OGDHL: variants seen among roughly 807,000 people sequenced by gnomAD.
The protein encoded by OGDHL is oxoglutarate dehydrogenase L, also known as 2-oxoglutarate dehydrogenase-like, mitochondrial.
A neutral mutation model predicts 109.6 loss-of-function variants in OGDHL; 79 were observed. The observed-to-expected ratio is 0.72, with a 90% confidence interval of 0.60 to 0.87. The LOEUF is 0.87. OGDHL is among the 40% of genes least tolerant of loss of function. The pLI is 0.00. For missense variants in OGDHL, 1,275 were observed against 1,362.2 expected (o/e 0.94, Z 1.01); for synonymous variants, 528 against 537.2 (o/e 0.98, Z 0.24).
chr10:49,735,268 G>A lies in OGDHL; in HGVS notation c.2993C>T (p.Thr998Ile). The change falls in exon 23 of 23, where the codon ACT becomes ATT. Residue 998 changes from threonine (T) to isoleucine (I), a missense_variant. Physicochemically the swap from Thr to Ile is moderately conservative, Grantham distance 89 (BLOSUM62 -1). Coordinates refer to ENST00000374103, the MANE Select transcript of OGDHL (RefSeq NM_018245.3). The stretch of plus-strand genomic sequence containing the variant: ...CTCAAAGGCCTGGAGATTGAAGGCA[G>A]TATCCAGAAACTTCTTCAGTGACAC... ...HLVSLKKFLD[T>I]AFNLQAFEGK... 4 of 1,614,144 alleles carry A rather than the reference G, an allele frequency of 2.5e-6. No homozygotes were observed. Among genetic ancestry groups the A allele is most frequent in the Non-Finnish European group, 3.4e-6 (4 of 1,179,994 alleles).
chr10:49,748,152 C>T (rs572093355), intron 8 of OGDHL, among the ~76,000 whole-genome samples: 1 of 152,002 alleles, frequency 6.6e-6, no homozygotes, highest in Admixed American at 6.5e-5. Flanking sequence ...CACCATCTAA[C>T]AGATAAACTC....
At chr10:49,735,400 C>G (rs780551795) in intron 22 of OGDHL, 49 bp from the exon 23 acceptor site, 5 of 1,592,590 alleles carry the variant, frequency 3.1e-6, no homozygotes, top group African/African-American at 1.3e-5. Context: ...TAGCCGCCCC[C>G]CAACCGCTGC....
Position 49,745,901 on chromosome 10 carries a change from G to A in OGDHL, c.1373C>T (p.Pro458Leu), listed in dbSNP as rs757828182. ...GTCATCGGCATTCACATGGAAGATA[G>A]GCGCATTGACCACCCGGGCCACGTC... is the stretch of plus-strand genomic sequence containing the variant. ...PTDVARVVNA[P>L]IFHVNADDPE... Residue 458 changes from proline to leucine, a missense_variant, in exon 11 of 23, where the codon CCT becomes CTT. By Grantham distance (98) the Pro-to-Leu change is moderately conservative. Transcript: ENST00000374103. 6.2e-7 allele frequency: 1 copy of A among 1,614,226 alleles called. No individual in the cohort carries two copies.
At chr10:49,744,246 CCT>C in intron 13 of OGDHL, 124 bp from the exon 14 acceptor site, 1 of 1,254,464 alleles carries the variant, frequency 8.0e-7, no homozygotes, top group Non-Finnish European at 1.1e-6. Context: ...TCGGACTCAC[CCT>C]GAGCCCACCC....
At chr10:49,759,142 T>G (rs1425572141) in intron 1 of OGDHL, among the ~76,000 whole-genome samples, 1 of 152,172 alleles carries the variant, frequency 6.6e-6, no homozygotes, top group Non-Finnish European at 1.5e-5. Context: ...TCAGGAGGGC[T>G]GTGGCTCTAG....
intron 14 of OGDHL, 106 bp from the exon 15 acceptor site, chr10:49,743,084 G>C (rs1841911667): frequency 4.3e-6 from 6 of 1,401,114 alleles, no homozygotes; most frequent in Non-Finnish European, 5.7e-6. Context: ...GCCATCTGTT[G>C]ATTTGGTTGG....
chr10:49,741,028 T>C (rs1841616081), intron 15 of OGDHL, among the ~76,000 whole-genome samples, 191 bp from the exon 16 acceptor site: 1 of 151,942 alleles, frequency 6.6e-6, no homozygotes, highest in Non-Finnish European at 1.5e-5. Flanking sequence ...CTGCAGCCTG[T>C]CCCCCACCAG....
At chr10:49,758,720 G>A in intron 1 of OGDHL, 127 bp from the exon 2 acceptor site, 1 of 924,828 alleles carries the variant, frequency 1.1e-6, no homozygotes, top group Non-Finnish European at 1.7e-6. Context: ...GCTAGGCAGT[G>A]ATGAGACTGG....
chr10:49,751,802 A>T, intron 6 of OGDHL, 25 bp downstream of exon 6: 1 of 1,610,558 alleles, frequency 6.2e-7, no homozygotes, highest in Non-Finnish European at 8.5e-7. Context: ...ACCTCCAGCC[A>T]CTTGGCCCTC....
intron 1 of OGDHL, among the ~76,000 whole-genome samples, chr10:49,761,741 C>T (rs1035025948): frequency 6.6e-6 from 1 of 152,222 alleles, no homozygotes; most frequent in Admixed American, 6.5e-5. Context: ...CAAGCAGCGA[C>T]CTCAGGCCAT....
intron 15 of OGDHL, among the ~76,000 whole-genome samples, chr10:49,742,301 A>G (rs1172763334): frequency 2.9e-5 from 3 of 103,870 alleles, no homozygotes; most frequent in African/African-American, 1.1e-4. Context: ...CACACCACAA[A>G]TGCACCACAC....
At chr10:49,750,444 C>A (rs893198260) in intron 7 of OGDHL, among the ~76,000 whole-genome samples, 1 of 152,238 alleles carries the variant, frequency 6.6e-6, no homozygotes, top group East Asian at 1.9e-4. Flanking sequence ...CCTCCACAGA[C>A]CTCCCTGTTG....
chr10:49,756,863 C>T lies in OGDHL; in HGVS notation c.288G>A (p.Glu96=). Residue 96 remains glutamate, a synonymous_variant, in exon 3 of 23, where the codon GAG becomes GAA. Coordinates refer to ENST00000374103, the MANE Select transcript of OGDHL (RefSeq NM_018245.3). ...TCCGACTTGAGACTGCAGACCTGCT[C>T]TCATGGACAACAGAAGGGGGCCGTG... is the stretch of plus-strand genomic sequence containing the variant. ...AQPRPPSVVH[E]SRSAVSSRTK... is the part of the protein sequence containing the mutation. 1 of 1,614,126 alleles carries T rather than the reference C, an allele frequency of 6.2e-7. No homozygotes were observed. Among genetic ancestry groups the T allele is most frequent in the African/African-American group, 1.3e-5 (1 of 75,056 alleles).
chr10:49,739,962 G>C, intron 16 of OGDHL, 123 bp from the exon 17 acceptor site: 1 of 976,532 alleles, frequency 1.0e-6, no homozygotes, highest in Non-Finnish European at 1.5e-6. Flanking sequence ...AAGCCAGGAC[G>C]AACCCAGGGA....
Position 49,737,991 on chromosome 10 carries a change from A to T in OGDHL, c.2473T>A (p.Phe825Ile), listed in dbSNP as rs1841335231. The T allele has an allele frequency of 6.2e-7, 1 of 1,614,052 alleles. No homozygotes were observed. Among genetic ancestry groups the T allele is most frequent in the Admixed American group, 1.7e-5 (1 of 60,014 alleles). ...VVNCSTPANY[F>I]HVLRRQILLP... Reference sequence around the variant, plus strand: ...AGGATCTGCCGGCGCAGCACGTGGAAGTAGTTGGCCGGTGTGGAGCAGTTG... The same window carrying T: ...AGGATCTGCCGGCGCAGCACGTGGATGTAGTTGGCCGGTGTGGAGCAGTTG... The change falls in exon 19 of 23, where the codon TTC becomes ATC. Residue 825 changes from phenylalanine to isoleucine, a missense_variant. Transcript: ENST00000374103.
intron 1 of OGDHL, among the ~76,000 whole-genome samples, chr10:49,759,007 C>T (rs1463667841): frequency 6.6e-6 from 1 of 152,064 alleles, no homozygotes; most frequent in East Asian, 1.9e-4. Context: ...GGGTCTCAGG[C>T]CCACCACCCT....
Position 49,751,711 on chromosome 10 carries a change from C to T in OGDHL, c.749+116G>A, listed in dbSNP as rs553546752. On this transcript the variant is annotated intron_variant, in intron 6 of 22. Transcript: ENST00000374103. ...CTCCTCCCTGCAGCCAGTGGTGAGGCCGATCCAGTCCTGCCTTCCTGTGGT... is the reference window on the plus strand; with the variant it reads ...CTCCTCCCTGCAGCCAGTGGTGAGGTCGATCCAGTCCTGCCTTCCTGTGGT... 5.0e-5 allele frequency: 68 copies of T among 1,351,504 alleles called. 1 individual carries two copies. The South Asian group carries it at 9.0e-4, about 18-fold the overall frequency. 83.7% of individuals were successfully genotyped at this position (1,351,504 alleles called of 1,614,324 possible).
At position 49,745,985 on chromosome 10, in the gene OGDHL, G is replaced by A; in HGVS notation, c.1297-8C>T. On this transcript the variant is annotated splice_region_variant and splice_polypyrimidine_tract_variant and intron_variant, in intron 10 of 22. Transcript: ENST00000374103. ...GTCTGTGGTGAATCCAATCTGCAGA[G>A]GCAGGAGAAACCTGCTGCGCCTCTC... 1 of 1,613,076 alleles carries A rather than the reference G, an allele frequency of 6.2e-7. No individual in the cohort carries two copies. The highest frequency in any genetic ancestry group is 8.5e-7 in the Non-Finnish European group (1 of 1,179,228).
intron 2 of OGDHL, among the ~76,000 whole-genome samples, chr10:49,757,632 G>A (rs910434623): frequency 2.0e-5 from 3 of 152,198 alleles, no homozygotes; most frequent in African/African-American, 7.2e-5. Flanking sequence ...AGCAGGAATA[G>A]GGGTGGCACA....
Sources: allele counts gnomAD v4.1 joint callset (sites outside exome capture counted in the v4.1 genomes callset), GRCh38; gene constraint gnomAD v4.1.1; transcripts MANE v1.5; gene names NCBI Gene and HGNC (gene_info 2026-07-23, HGNC 2026-07-21).